Variants in EIF3J observed in about 807,000 individuals in gnomAD.
EIF3J encodes the protein eukaryotic translation initiation factor 3, subunit 1 (alpha, 35kD).
Under a neutral mutation model 39.0 loss-of-function variants are expected in EIF3J, and 15 were observed. The observed-to-expected ratio is 0.38, with a 90% CI of 0.26 to 0.59. The LOEUF (loss-of-function observed/expected upper bound fraction) is 0.59. Among genes scored for constraint, EIF3J ranks in the 20% least tolerant of loss-of-function variants. The pLI is 0.60. For missense variants in EIF3J, 226 were observed against 308.6 expected (o/e 0.73, Z 2.00); for synonymous variants, 98 against 112.9 (o/e 0.87, Z 0.84).
chr15:44,551,372 C>G, intron 3 of EIF3J, 59 bp from the exon 4 acceptor site: 6 of 1,101,042 alleles, frequency 5.4e-6, no homozygotes, highest in Non-Finnish European at 7.9e-6. Flanking sequence ...TCATGTCTGT[C>G]TCATCCATAA....
rs115719107 is a variant in EIF3J, at chr15:44,550,771, A to C, written c.148-105A>C. The C allele has an allele frequency of 4.8e-3, 3,928 of 822,304 alleles. 123 individuals carry two copies. In the African/African-American group the frequency reaches 0.059, roughly 12 times the overall value. 50.9% of individuals were successfully genotyped at this position (822,304 alleles called of 1,614,324 possible). A position where few individuals can be genotyped will look rare whatever the true frequency, so the allele number is the denominator to read the frequency against. On this transcript the variant is annotated intron_variant, in intron 2 of 7. Transcript: ENST00000261868. The stretch of plus-strand genomic sequence containing the variant: ...TTAATTTATAAATTTAATGCAGTAC[A>C]AAAAAATACCAACAAACATTTCTCT...
At chr15:44,555,850 A>C (rs1393739781) in intron 5 of EIF3J, among the ~76,000 whole-genome samples, 1 of 151,856 alleles carries the variant, frequency 6.6e-6, no homozygotes, top group Non-Finnish European at 1.5e-5. Context: ...TTAGTGTAAA[A>C]CTCATCTAGG....
chr15:44,558,405 C>A (rs925196493), intron 6 of EIF3J, among the ~76,000 whole-genome samples: 3 of 152,030 alleles, frequency 2.0e-5, no homozygotes, highest in African/African-American at 4.8e-5. Context: ...AGATTGTAGA[C>A]CATCCTGGCT....
At chr15:44,559,517 C>A (rs994682800) in intron 6 of EIF3J, among the ~76,000 whole-genome samples, 5 of 150,854 alleles carry the variant, frequency 3.3e-5, no homozygotes, top group African/African-American at 1.2e-4. Context: ...AGCATCCTGG[C>A]TAACACAGTG....
intron 2 of EIF3J, among the ~76,000 whole-genome samples, chr15:44,539,215 G>A (rs772656847): frequency 5.3e-5 from 8 of 151,628 alleles, no homozygotes; most frequent in Non-Finnish European, 7.4e-5. Flanking sequence ...TAGTAGAGAC[G>A]GGGTTTCGCC....
At chr15:44,544,098 CTT>C (rs10630378) in intron 2 of EIF3J, among the ~76,000 whole-genome samples, 1 of 134,070 alleles carries the variant, frequency 7.5e-6, no homozygotes. Flanking sequence ...CTTTTCTTTT[CTT>C]TTTTTTTTTT....
rs2082208690 is a variant in EIF3J at position 44,562,323 on chromosome 15, T to TC, written c.*1174_*1175insC. ...TTGTTATTTAGATACCAAGGCCTAA[T>TC]TAATTAAGTACCTATAAGAACTATT... On this transcript the variant is annotated 3_prime_UTR_variant, in exon 8 of 8. Coordinates refer to ENST00000261868, the MANE Select transcript of EIF3J (RefSeq NM_003758.4). The TC allele has an allele frequency of 6.5e-6, 1 of 152,732 alleles. No homozygotes were observed. Among genetic ancestry groups the TC allele is most frequent in the African/African-American group, 2.4e-5 (1 of 41,584 alleles). 9.5% of individuals were successfully genotyped at this position (152,732 alleles called of 1,614,324 possible).
At chr15:44,553,478 C>T (rs367665986) in intron 4 of EIF3J, among the ~76,000 whole-genome samples, 20 of 149,324 alleles carry the variant, frequency 1.3e-4, no homozygotes, top group African/African-American at 4.2e-4. Flanking sequence ...GGCGACAGAG[C>T]GAGACTCCAT....
At chr15:44,559,091 A>T (rs142778941) in intron 6 of EIF3J, 1 of 152,080 alleles carries the variant, frequency 6.6e-6, no homozygotes, top group African/African-American at 2.4e-5. Flanking sequence ...GGGTGTTGTC[A>T]TTGTAGGTTT....
chr15:44,553,567 G>A (rs777491424), intron 4 of EIF3J, among the ~76,000 whole-genome samples: 2 of 151,960 alleles, frequency 1.3e-5, no homozygotes, highest in Non-Finnish European at 2.9e-5. Context: ...CAACTGTCAT[G>A]TCAGAGAAGT....
At chr15:44,553,631 G>A (rs145038724) in intron 4 of EIF3J, among the ~76,000 whole-genome samples, 197 of 152,204 alleles carry the variant, frequency 1.3e-3, no homozygotes, top group African/African-American at 4.3e-3. Context: ...TTGTTATAGT[G>A]GTAATTTTAT....
Position 44,547,217 on chromosome 15 carries a change from C to G in EIF3J, c.148-3659C>G, listed in dbSNP as rs191749036. Among the ~76,000 whole-genome samples the G allele has an allele frequency of 3.7e-4, 56 of 152,190 alleles. 2 individuals carry two copies. In the East Asian group the frequency reaches 0.011, roughly 29 times the overall value. On this transcript the variant is annotated intron_variant, in intron 2 of 7. Coordinates refer to ENST00000261868, the MANE Select transcript of EIF3J (RefSeq NM_003758.4). ...GGAGTGCAATGGCGCGATCTCGGCTCACCACAGCCTCTGTCTCCTGGGTTC... is the reference window on the plus strand; with the variant it reads ...GGAGTGCAATGGCGCGATCTCGGCTGACCACAGCCTCTGTCTCCTGGGTTC...
intron 7 of EIF3J, 195 bp downstream of exon 7, chr15:44,560,517 TA>T: frequency 1.9e-6 from 1 of 531,204 alleles, no homozygotes; most frequent in Non-Finnish European, 3.2e-6. Flanking sequence ...TTTTCTGAGT[TA>T]ATAGAAATTG....
At chr15:44,540,465 T>A (rs1426578137) in intron 2 of EIF3J, among the ~76,000 whole-genome samples, 1 of 150,620 alleles carries the variant, frequency 6.6e-6, no homozygotes, top group Non-Finnish European at 1.5e-5. Context: ...AGAGGTGGAG[T>A]TTCGCCAAGT....
rs778955644 is a variant in EIF3J at position 44,561,077 on chromosome 15, C to G, written c.705C>G (p.Thr235=). The change falls in exon 8 of 8, where the codon ACC becomes ACG. Residue 235 remains threonine (T), a synonymous_variant. Transcript: ENST00000261868. The part of the protein sequence containing the change: ...GVVPGGGLKA[T]MKDDLADYGG... The stretch of plus-strand genomic sequence containing the variant: ...TTCCTGGAGGGGGATTAAAAGCCAC[C>G]ATGAAAGATGATCTGGCAGATTATG... 2 of 1,613,564 alleles carry G rather than the reference C, an allele frequency of 1.2e-6. No individual in the cohort carries two copies. Among genetic ancestry groups the G allele is most frequent in the Non-Finnish European group, 1.7e-6 (2 of 1,179,796 alleles).
At chr15:44,555,055 A>ACCTG (rs2082133204) in intron 5 of EIF3J, among the ~76,000 whole-genome samples, 1 of 152,170 alleles carries the variant, frequency 6.6e-6, no homozygotes, top group Non-Finnish European at 1.5e-5. Context: ...GCTCCAGGTG[A>ACCTG]GAGGCATGCA....
At chr15:44,552,124 A>G (rs1430011334) in intron 4 of EIF3J, among the ~76,000 whole-genome samples, 1 of 151,838 alleles carries the variant, frequency 6.6e-6, no homozygotes, top group Non-Finnish European at 1.5e-5. Context: ...TCTGGCCAGG[A>G]TTAGTTTTTA....
At chr15:44,542,873 G>A (rs2082024117) in intron 2 of EIF3J, among the ~76,000 whole-genome samples, 1 of 152,170 alleles carries the variant, frequency 6.6e-6, no homozygotes, top group African/African-American at 2.4e-5. Flanking sequence ...AGATTAATTG[G>A]CTACCAAAAA....
chr15:44,560,868 A>G (rs2082187291), intron 7 of EIF3J, 150 bp from the exon 8 acceptor site: 7 of 1,080,252 alleles, frequency 6.5e-6, no homozygotes, highest in South Asian at 5.1e-5. Context: ...AGACCTGTTC[A>G]GGTCCAAAAC....
Sources: gnomAD v4.1 joint callset for allele counts (sites outside exome capture counted in the v4.1 genomes callset) on GRCh38, gnomAD v4.1.1 for gene constraint, MANE v1.5 for transcripts, NCBI Gene and HGNC (gene_info 2026-07-23, HGNC 2026-07-21) for gene names.